Variants in GALNT17 observed in about 807,000 individuals in gnomAD.
GALNT17 encodes UDP-GalNAc:polypeptide N-acetylgalactosaminyltransferase-like 3.
A neutral mutation model predicts 63.7 loss-of-function variants in GALNT17; 29 were observed. The observed-to-expected ratio is 0.46, with a 90% confidence interval of 0.34 to 0.62. The LOEUF (loss-of-function observed/expected upper bound fraction) is 0.62. Ranked by LOEUF, GALNT17 falls within the 20% of genes least tolerant of loss-of-function variation. The pLI is 0.01. For missense variants in GALNT17, 603 were observed against 799.6 expected (o/e 0.75, Z 2.97); for synonymous variants, 305 against 318.3 (o/e 0.96, Z 0.45).
At chr7:71,327,247 A>T (rs570412136) in intron 1 of GALNT17, among the ~76,000 whole-genome samples, 1 of 152,334 alleles carries the variant, frequency 6.6e-6, no homozygotes, top group African/African-American at 2.4e-5. Flanking sequence ...AGACTGGGTA[A>T]TTTATAAAGA....
intron 1 of GALNT17, among the ~76,000 whole-genome samples, chr7:71,166,239 G>C (rs1483093040): frequency 6.6e-6 from 1 of 152,174 alleles, no homozygotes. Flanking sequence ...AAGTAGTTCT[G>C]AATTTCCTCA....
At chr7:71,551,560 T>A (rs1430822413) in intron 5 of GALNT17, among the ~76,000 whole-genome samples, 1 of 152,066 alleles carries the variant, frequency 6.6e-6, no homozygotes, top group East Asian at 1.9e-4. Flanking sequence ...TTGAAAAAGT[T>A]ATGTATAGCC....
chr7:71,576,950 A>G (rs772108086), intron 6 of GALNT17, among the ~76,000 whole-genome samples: 2 of 152,222 alleles, frequency 1.3e-5, no homozygotes, highest in Non-Finnish European at 2.9e-5. Context: ...TGGCAAAGAC[A>G]TAGAATCAAC....
intron 5 of GALNT17, among the ~76,000 whole-genome samples, chr7:71,487,653 C>G (rs185629012): frequency 3.4e-4 from 52 of 152,028 alleles, no homozygotes; most frequent in African/African-American, 1.2e-3. Context: ...TAGTGCATAC[C>G]TGCAGTCTCA....
At chr7:71,693,033 C>T (rs1302519378) in intron 9 of GALNT17, among the ~76,000 whole-genome samples, 1 of 151,682 alleles carries the variant, frequency 6.6e-6, no homozygotes, top group Non-Finnish European at 1.5e-5. Flanking sequence ...GCCATAAGTA[C>T]ATATTTGTTA....
intron 5 of GALNT17, among the ~76,000 whole-genome samples, chr7:71,440,149 C>T (rs554431272): frequency 6.6e-6 from 1 of 151,766 alleles, no homozygotes; most frequent in East Asian, 1.9e-4. Context: ...AGACTGGTCT[C>T]GAACTCCTGA....
chr7:71,220,506 C>T (rs1426108904), intron 1 of GALNT17, among the ~76,000 whole-genome samples: 1 of 152,184 alleles, frequency 6.6e-6, no homozygotes, highest in Non-Finnish European at 1.5e-5. Context: ...CCAGCCATGA[C>T]CACCTGGTTC....
intron 2 of GALNT17, among the ~76,000 whole-genome samples, chr7:71,366,388 C>T (rs1362993771): frequency 2.0e-5 from 3 of 152,108 alleles, no homozygotes; most frequent in Non-Finnish European, 4.4e-5. Context: ...CGAGACCATC[C>T]TGGCCAACAT....
Position 71,489,283 on chromosome 7 carries a change from C to T in GALNT17, c.962+68178C>T, listed in dbSNP as rs184012477. On this transcript the variant is annotated intron_variant, in intron 5 of 10. Transcript: ENST00000333538. ...AGAACCTTCAGATGGGTCAGCCGGA[C>T]ACCTACACCTGACTATCGTCTTAAA... Among the ~76,000 whole-genome samples the T allele has an allele frequency of 5.2e-4, 79 of 152,232 alleles. 1 individual carries two copies. In the East Asian group the frequency reaches 0.013, roughly 25 times the overall value.
At chr7:71,371,412 C>A (rs1792621354) in intron 2 of GALNT17, among the ~76,000 whole-genome samples, 2 of 151,832 alleles carry the variant, frequency 1.3e-5, no homozygotes, top group East Asian at 2.0e-4. Flanking sequence ...TGAAGTTCTA[C>A]CTGTTTTTAT....
intron 5 of GALNT17, among the ~76,000 whole-genome samples, chr7:71,529,035 T>G (rs1018096511): frequency 6.6e-6 from 1 of 152,090 alleles, no homozygotes; most frequent in African/African-American, 2.4e-5. Flanking sequence ...CTAAGGAGGC[T>G]GAATTGGGAG....
chr7:71,706,791 C>T (rs1791727103), intron 9 of GALNT17, among the ~76,000 whole-genome samples: 1 of 152,208 alleles, frequency 6.6e-6, no homozygotes, highest in Non-Finnish European at 1.5e-5. Flanking sequence ...TTCTGAGTAC[C>T]TTTCACCAAG....
chr7:71,314,946 TAAAAAAGTC>T (rs1791474893), intron 1 of GALNT17, among the ~76,000 whole-genome samples: 1 of 152,086 alleles, frequency 6.6e-6, no homozygotes, highest in Non-Finnish European at 1.5e-5. Flanking sequence ...AAATTCACCT[TAAAAAAGTC>T]TACAGTTCAC....
intron 1 of GALNT17, chr7:71,300,595 C>T (rs372817385): frequency 5.0e-5 from 16 of 318,606 alleles, no homozygotes; most frequent in South Asian, 1.9e-4. Context: ...CACATGCATG[C>T]GCGTGCACAT....
At position 71,141,840 on chromosome 7, in the gene GALNT17, C is replaced by CTGTGTGTGTG. The variant is rs34121771; in HGVS notation, c.238+8830_238+8839dup. 1.4e-3 allele frequency among the ~76,000 whole-genome samples: 170 copies of CTGTGTGTGTG among 125,106 alleles called. 1 individual carries two copies. Among genetic ancestry groups the CTGTGTGTGTG allele is most frequent in the South Asian group, 2.2e-3 (8 of 3,612 alleles). The allele number at this position is 125,106 out of a possible 152,430, so 82.1% of individuals were successfully genotyped here. A position where few individuals can be genotyped will look rare whatever the true frequency, so the allele number is the denominator to read the frequency against. On this transcript the variant is annotated intron_variant, in intron 1 of 10. Coordinates refer to ENST00000333538, the MANE Select transcript of GALNT17 (RefSeq NM_022479.3). ...TACAGGTATGCGCCACCACGTCTGG[C>CTGTGTGTGTG]TGTGTGTGTGTGTGTGTGTGTGTGT... is the stretch of plus-strand genomic sequence containing the variant.
In GALNT17 at chr7:71,538,354, G is replaced by A. The variant is rs949662626; in HGVS notation, c.963-32931G>A. On this transcript the variant is annotated intron_variant, in intron 5 of 10. Transcript: ENST00000333538. ...GAGGAAATAACCTCTTATTCCATCAGCCCATAAACCAGCGGCACGTGGACG... is the reference window on the plus strand; with the variant it reads ...GAGGAAATAACCTCTTATTCCATCAACCCATAAACCAGCGGCACGTGGACG... 5.6e-4 allele frequency among the ~76,000 whole-genome samples: 85 copies of A among 152,064 alleles called. 1 individual carries two copies. The highest frequency in any genetic ancestry group is 1.8e-3 in the African/African-American group (75 of 41,402).
At chr7:71,652,293 T>C (rs1452173841) in intron 6 of GALNT17, among the ~76,000 whole-genome samples, 1 of 152,138 alleles carries the variant, frequency 6.6e-6, no homozygotes, top group Non-Finnish European at 1.5e-5. Flanking sequence ...TTGAGGTCCA[T>C]ATTTGTCAAT....
rs544039778 is a variant in GALNT17, at chr7:71,372,800, T to G, written c.423-15435T>G. Among the ~76,000 whole-genome samples, 67 of 152,296 alleles carry G rather than the reference T, an allele frequency of 4.4e-4. 1 individual carries two copies. Among genetic ancestry groups the G allele is most frequent in the African/African-American group, 1.3e-3 (52 of 41,572 alleles). On this transcript the variant is annotated intron_variant, in intron 2 of 10. Coordinates refer to ENST00000333538, the MANE Select transcript of GALNT17 (RefSeq NM_022479.3). Reference sequence around the variant, plus strand: ...TTGGATTGAATATCATATACAGATGTGTAGCATACAACGATGCTTTGGTCA... The same window carrying G: ...TTGGATTGAATATCATATACAGATGGGTAGCATACAACGATGCTTTGGTCA...
chr7:71,235,628 T>A (rs1789873802), intron 1 of GALNT17, among the ~76,000 whole-genome samples: 1 of 152,108 alleles, frequency 6.6e-6, no homozygotes, highest in African/African-American at 2.4e-5. Context: ...TACTGAAAAG[T>A]CAGGCTTTTA....
Sources: allele counts gnomAD v4.1 joint callset (sites outside exome capture counted in the v4.1 genomes callset), GRCh38; gene constraint gnomAD v4.1.1; transcripts MANE v1.5; gene names NCBI Gene and HGNC (gene_info 2026-07-23, HGNC 2026-07-21).